Variants in GALNTL6 observed in about 807,000 individuals in gnomAD.
The protein encoded by GALNTL6 is polypeptide N-acetylgalactosaminyltransferase like 6.
GALNTL6 carries 46 observed loss-of-function variants against 73.7 expected under a neutral mutation model. That is an observed-to-expected ratio of 0.62 (90% confidence interval 0.49 to 0.80). The LOEUF (loss-of-function observed/expected upper bound fraction) is 0.80. GALNTL6 is among the 30% of genes least tolerant of loss of function. The pLI is 0.00. For missense variants in GALNTL6, 604 were observed against 755.0 expected (o/e 0.80, Z 2.34); for synonymous variants, 259 against 263.7 (o/e 0.98, Z 0.17).
At chr4:172,254,745 G>A (rs905779160) in intron 3 of GALNTL6, among the ~76,000 whole-genome samples, 2 of 151,636 alleles carry the variant, frequency 1.3e-5, no homozygotes, top group African/African-American at 4.8e-5. Context: ...CACAAGAGAA[G>A]ACATAAATAT....
At chr4:172,270,464 A>G (rs886090636) in intron 3 of GALNTL6, among the ~76,000 whole-genome samples, 1 of 152,168 alleles carries the variant, frequency 6.6e-6, no homozygotes, top group Non-Finnish European at 1.5e-5. Context: ...GACCTAAGCC[A>G]GGTACACCTC....
intron 5 of GALNTL6, among the ~76,000 whole-genome samples, chr4:172,484,442 G>A (rs1439514702): frequency 6.6e-6 from 1 of 152,158 alleles, no homozygotes; most frequent in Admixed American, 6.5e-5. Flanking sequence ...TTAATGATGT[G>A]CTATTGACTG....
intron 8 of GALNTL6, among the ~76,000 whole-genome samples, 155 bp downstream of exon 8, chr4:172,883,062 T>C (rs1463610300): frequency 6.6e-6 from 1 of 152,198 alleles, no homozygotes; most frequent in Admixed American, 6.5e-5. Context: ...CTTTCTTTTT[T>C]GGTTTTTGTT....
intron 7 of GALNTL6, among the ~76,000 whole-genome samples, chr4:172,830,844 A>C (rs1363331905): frequency 6.6e-6 from 1 of 152,112 alleles, no homozygotes; most frequent in African/African-American, 2.4e-5. Context: ...CTGGGGCCTA[A>C]AGTAGATATG....
intron 2 of GALNTL6, among the ~76,000 whole-genome samples, chr4:172,025,372 A>C (rs896229878): frequency 5.3e-5 from 8 of 152,032 alleles, no homozygotes; most frequent in Admixed American, 4.6e-4. Flanking sequence ...ACTTTTCAGA[A>C]GGAAACAGTG....
At chr4:172,610,755 T>C (rs962660144) in intron 5 of GALNTL6, among the ~76,000 whole-genome samples, 1 of 152,116 alleles carries the variant, frequency 6.6e-6, no homozygotes, top group Non-Finnish European at 1.5e-5. Flanking sequence ...ATATTCTGCA[T>C]TGATGATCTG....
intron 5 of GALNTL6, among the ~76,000 whole-genome samples, chr4:172,571,894 G>A (rs751648450): frequency 1.2e-4 from 19 of 152,140 alleles, no homozygotes; most frequent in Non-Finnish European, 2.5e-4. Flanking sequence ...GCAACTCCTG[G>A]TTTTCTCATT....
intron 2 of GALNTL6, among the ~76,000 whole-genome samples, chr4:172,140,377 C>A (rs1477705655): frequency 1.3e-5 from 2 of 152,040 alleles, no homozygotes; most frequent in African/African-American, 4.8e-5. Context: ...AAATTCCTCT[C>A]ACAGATAATA....
intron 5 of GALNTL6, among the ~76,000 whole-genome samples, chr4:172,485,202 A>G (rs1047629553): frequency 6.6e-6 from 1 of 151,654 alleles, no homozygotes; most frequent in Non-Finnish European, 1.5e-5. Context: ...TTTCTACCCC[A>G]TTTTTTTTCA....
chr4:172,654,550 C>G (rs1288178611), intron 5 of GALNTL6, among the ~76,000 whole-genome samples: 1 of 152,088 alleles, frequency 6.6e-6, no homozygotes, highest in African/African-American at 2.4e-5. Flanking sequence ...ATAAATTTCC[C>G]TTGGTGAATC....
intron 5 of GALNTL6, among the ~76,000 whole-genome samples, chr4:172,661,398 T>C (rs1041517196): frequency 3.3e-5 from 5 of 152,192 alleles, no homozygotes; most frequent in Admixed American, 3.3e-4. Flanking sequence ...AATAAAGCTG[T>C]CTTATATATA....
At chr4:172,754,881 T>C (rs1482708676) in intron 5 of GALNTL6, among the ~76,000 whole-genome samples, 1 of 149,620 alleles carries the variant, frequency 6.7e-6, no homozygotes, top group East Asian at 2.0e-4. Flanking sequence ...AGATCAAAGC[T>C]CCTTAATGAA....
intron 11 of GALNTL6, among the ~76,000 whole-genome samples, chr4:173,021,098 T>C (rs939125770): frequency 2.0e-5 from 3 of 151,876 alleles, no homozygotes; most frequent in Admixed American, 2.0e-4. Flanking sequence ...AAAAAGACTT[T>C]ATTTCTCTCT....
intron 11 of GALNTL6, among the ~76,000 whole-genome samples, chr4:173,020,941 C>T (rs1248380310): frequency 2.0e-5 from 3 of 152,056 alleles, no homozygotes; most frequent in African/African-American, 7.2e-5. Context: ...GGCGTGGTGG[C>T]GTGCGCCTGT....
intron 3 of GALNTL6, 134 bp downstream of exon 3, chr4:172,229,898 G>A (rs1245738598): frequency 3.1e-5 from 18 of 581,224 alleles, no homozygotes; most frequent in South Asian, 1.4e-4. Flanking sequence ...AGGTGATACT[G>A]GACAGAACCT....
intron 10 of GALNTL6, among the ~76,000 whole-genome samples, chr4:172,966,694 G>T (rs907967062): frequency 6.6e-6 from 1 of 152,192 alleles, no homozygotes; most frequent in Admixed American, 6.5e-5. Context: ...GCCCAGCCCA[G>T]GGAGTCAATT....
intron 5 of GALNTL6, among the ~76,000 whole-genome samples, chr4:172,609,627 G>C (rs3916510): frequency 2.0e-3 from 132 of 64,476 alleles, no homozygotes; most frequent in African/African-American, 7.7e-3. Context: ...CTCTCTCTCT[G>C]TGTGTGTGTG....
intron 2 of GALNTL6, among the ~76,000 whole-genome samples, chr4:171,946,052 G>C (rs1197347216): frequency 6.6e-6 from 1 of 152,144 alleles, no homozygotes; most frequent in Non-Finnish European, 1.5e-5. Context: ...ATAGTAGAAA[G>C]AGGTTATGGT....
At chr4:172,914,342 A>G (rs1218066244) in intron 8 of GALNTL6, among the ~76,000 whole-genome samples, 1 of 152,212 alleles carries the variant, frequency 6.6e-6, no homozygotes, top group Non-Finnish European at 1.5e-5. Flanking sequence ...TGCGTCAACT[A>G]ATGAGCAAAA....
Sources: gnomAD v4.1 joint callset for allele counts (sites outside exome capture counted in the v4.1 genomes callset) on GRCh38, gnomAD v4.1.1 for gene constraint, MANE v1.5 for transcripts, NCBI Gene and HGNC (gene_info 2026-07-23, HGNC 2026-07-21) for gene names.